EZH2: variants seen among roughly 807,000 people sequenced by gnomAD.
The protein encoded by EZH2 is histone-lysine N-methyltransferase EZH2.
A neutral mutation model predicts 98.4 loss-of-function variants in EZH2; 18 were observed. That is an observed-to-expected ratio of 0.18 (90% CI 0.13 to 0.27). EZH2 has a LOEUF of 0.27. EZH2 is among the 10% of genes least tolerant of loss of function. EZH2 has a pLI of 1.00. For missense variants in EZH2, 470 were observed against 935.1 expected (o/e 0.50, Z 6.49); for synonymous variants, 338 against 312.3 (o/e 1.08, Z -0.87).
chr7:148,832,658 C>G lies in EZH2; in HGVS notation c.339G>C (p.Trp113Cys). 6.2e-7 allele frequency: 1 copy of G among 1,601,732 alleles called. No homozygotes were observed. Among genetic ancestry groups the G allele is most frequent in the Non-Finnish European group, 8.5e-7 (1 of 1,171,336 alleles). Reference protein sequence around the residue: ...AVASVPIMYSWSPLQQNFMVE... With the variant: ...AVASVPIMYSCSPLQQNFMVE... The stretch of plus-strand genomic sequence containing the variant: ...CCATAAAATTCTGCTGTAGGGGAGA[C>G]CAAGAATACATTATGGGTACTGAAG... Residue 113 changes from tryptophan (W) to cysteine (C), a missense_variant, in exon 4 of 20, where the codon TGG becomes TGC. Transcript: ENST00000320356.
chr7:148,814,384 G>A (rs901093567), intron 14 of EZH2, among the ~76,000 whole-genome samples: 4 of 151,934 alleles, frequency 2.6e-5, no homozygotes, highest in Non-Finnish European at 4.4e-5. Flanking sequence ...ATTTAAAGTC[G>A]GTGTGAATAA....
intron 1 of EZH2, chr7:148,883,125 T>C (rs143487527): frequency 5.9e-5 from 9 of 152,364 alleles, no homozygotes; most frequent in African/African-American, 1.7e-4. Context: ...CATTCTCAGA[T>C]GTATCACACA....
Position 148,816,718 on chromosome 7 carries a change from C to T in EZH2, c.1471G>A (p.Asp491Asn). The T allele has an allele frequency of 1.2e-6, 2 of 1,614,070 alleles. No homozygotes were observed. Among genetic ancestry groups the T allele is most frequent in the South Asian group, 2.2e-5 (2 of 91,082 alleles). The stretch of plus-strand genomic sequence containing the variant: ...CTCTTCTTTTTCCTTGGAGGAGTAT[C>T]CACATCCTCAGCGGGAGCTGGAGCT... ...IIAPAPAEDV[D>N]TPPRKKKRKH... Residue 491 changes from aspartate to asparagine, a missense_variant, in exon 12 of 20, where the codon GAT becomes AAT. By Grantham distance (23) the Asp-to-Asn change is conservative (BLOSUM62 1). Coordinates refer to ENST00000320356, the MANE Select transcript of EZH2 (RefSeq NM_004456.5).
chr7:148,866,326 C>A (rs886651491), intron 1 of EZH2, among the ~76,000 whole-genome samples: 2 of 151,660 alleles, frequency 1.3e-5, no homozygotes, highest in Admixed American at 6.6e-5. Flanking sequence ...GGTGATTAGA[C>A]CACGACGGTT....
At position 148,829,612 on chromosome 7, in the gene EZH2, C is replaced by T. The variant is rs558108795; in HGVS notation, c.484+116G>A. ...GGCCCAGGTTCAGTCCCTTATAGTT[C>T]AGTGCAAAACTTAATTTTAATATTA... On this transcript the variant is annotated intron_variant, in intron 5 of 19. Coordinates refer to ENST00000320356, the MANE Select transcript of EZH2 (RefSeq NM_004456.5). The T allele has an allele frequency of 2.7e-5, 31 of 1,130,354 alleles. No homozygotes were observed. In the African/African-American group the frequency reaches 4.2e-4, roughly 15 times the overall value. 70.0% of individuals were successfully genotyped at this position (1,130,354 alleles called of 1,614,324 possible).
chr7:148,846,403 A>T (rs539892399), intron 3 of EZH2, 67 bp downstream of exon 3: 45 of 1,546,234 alleles, frequency 2.9e-5, no homozygotes, highest in Non-Finnish European at 3.9e-5. Context: ...CCAATAACCA[A>T]ACAAATGTTC....
chr7:148,860,415 G>T (rs912337552), intron 1 of EZH2, among the ~76,000 whole-genome samples: 2 of 151,668 alleles, frequency 1.3e-5, no homozygotes, highest in Non-Finnish European at 2.9e-5. Flanking sequence ...TGAGAAGGAA[G>T]AACAGGTCAA....
At position 148,828,984 on chromosome 7, in the gene EZH2, C is replaced by T. The variant is rs1808535861; in HGVS notation, c.485-104G>A. 3.6e-6 allele frequency: 4 copies of T among 1,109,572 alleles called. No individual in the cohort carries two copies. The East Asian group carries it at 1.1e-4, about 30-fold the overall frequency. The allele number at this position is 1,109,572 out of a possible 1,614,324, so 68.7% of individuals were successfully genotyped here. On this transcript the variant is annotated intron_variant, in intron 5 of 19. Coordinates refer to ENST00000320356, the MANE Select transcript of EZH2 (RefSeq NM_004456.5). ...AAAACAGGCATAGCCTAGTAACTGGCACTAAAACATTATTATTGAAATGAG... is the reference window on the plus strand; with the variant it reads ...AAAACAGGCATAGCCTAGTAACTGGTACTAAAACATTATTATTGAAATGAG...
At position 148,815,001 on chromosome 7, in the gene EZH2, C is replaced by A; in HGVS notation, c.1585G>T (p.Asp529Tyr). Residue 529 changes from aspartate to tyrosine, a missense_variant, in exon 14 of 20, where the codon GAT (aspartate) becomes TAT (tyrosine). Physicochemically the swap from Asp to Tyr is radical, Grantham distance 160 (BLOSUM62 -3). This residue lies in a region of EZH2 where 106 missense variants were observed against 327.2 expected (regional missense o/e 0.32). Transcript: ENST00000320356. ...SNHVYNYQPC[D>Y]HPRQPCDSSC... Reference sequence around the variant, plus strand: ...CTGTCACAAGGCTGCCGTGGATGATCACAGGGTTGATAGTTGTAAACATGG... The same window carrying A: ...CTGTCACAAGGCTGCCGTGGATGATAACAGGGTTGATAGTTGTAAACATGG... The A allele has an allele frequency of 6.2e-7, 1 of 1,614,014 alleles. No homozygotes were observed. Among genetic ancestry groups the A allele is most frequent in the South Asian group, 1.1e-5 (1 of 91,040 alleles).
intron 17 of EZH2, chr7:148,810,055 A>G (rs1231233819): frequency 3.1e-6 from 1 of 323,828 alleles, no homozygotes; most frequent in Non-Finnish European, 5.9e-6. Flanking sequence ...TGAGGTGAGC[A>G]GCAAGAGCAC....
chr7:148,824,016 A>G (rs1806944855), intron 8 of EZH2, among the ~76,000 whole-genome samples: 1 of 152,154 alleles, frequency 6.6e-6, no homozygotes, highest in Non-Finnish European at 1.5e-5. Flanking sequence ...ACAAAATGCT[A>G]TATTCAACAT....
At chr7:148,822,550 C>A (rs1364219021) in intron 8 of EZH2, among the ~76,000 whole-genome samples, 1 of 150,846 alleles carries the variant, frequency 6.6e-6, no homozygotes, top group African/African-American at 2.4e-5. Context: ...GGACTTTTAC[C>A]AAATAAACTT....
intron 1 of EZH2, among the ~76,000 whole-genome samples, chr7:148,869,582 C>T (rs577956811): frequency 6.6e-6 from 1 of 152,278 alleles, no homozygotes; most frequent in African/African-American, 2.4e-5. Flanking sequence ...AAGCAATCCT[C>T]CCACCTCAGC....
intron 3 of EZH2, among the ~76,000 whole-genome samples, chr7:148,845,573 C>A (rs1317052591): frequency 6.6e-6 from 1 of 152,200 alleles, no homozygotes; most frequent in Non-Finnish European, 1.5e-5. Flanking sequence ...ATATGTCACA[C>A]AATCTCCAGA....
chr7:148,879,543 T>C (rs568911920), intron 1 of EZH2, among the ~76,000 whole-genome samples: 8 of 151,800 alleles, frequency 5.3e-5, no homozygotes, highest in African/African-American at 1.9e-4. Flanking sequence ...ATACAAAAAT[T>C]AGCCAGGCCT....
At chr7:148,873,186 AAGAAAAG>A (rs1819661310) in intron 1 of EZH2, among the ~76,000 whole-genome samples, 2 of 151,934 alleles carry the variant, frequency 1.3e-5, no homozygotes, top group Non-Finnish European at 2.9e-5. Flanking sequence ...GTGTACAAAA[AAGAAAAG>A]AAAAAAGAAA....
In EZH2 at chr7:148,814,052, G is replaced by A. The variant is rs979372067; in HGVS notation, c.1758C>T (p.Asp586=). Reference sequence around the variant, plus strand: ...CTCCACAAGTAAGACAGAGGTCAGGGTCACACTCTCGGACAGCCAGGTAGC... The same window carrying A: ...CTCCACAAGTAAGACAGAGGTCAGGATCACACTCTCGGACAGCCAGGTAGC... ...CPCYLAVREC[D]PDLCLTCGAA... Residue 586 remains aspartate (D), a synonymous_variant, in exon 15 of 20, where the codon GAC becomes GAT. Coordinates refer to ENST00000320356, the MANE Select transcript of EZH2 (RefSeq NM_004456.5). The A allele has an allele frequency of 6.2e-7, 1 of 1,614,054 alleles. No individual in the cohort carries two copies. Among genetic ancestry groups the A allele is most frequent in the Non-Finnish European group, 8.5e-7 (1 of 1,180,044 alleles).
At chr7:148,807,922 C>T (rs142215614) in intron 19 of EZH2, among the ~76,000 whole-genome samples, 100 of 152,074 alleles carry the variant, frequency 6.6e-4, no homozygotes, top group African/African-American at 1.6e-3. Flanking sequence ...CTAATTGAGA[C>T]GCTGCCAAGT....
intron 1 of EZH2, among the ~76,000 whole-genome samples, chr7:148,856,740 T>C (rs1295344463): frequency 1.3e-5 from 2 of 152,118 alleles, no homozygotes; most frequent in African/African-American, 2.4e-5. Flanking sequence ...TGGAATAATT[T>C]GAGCAGCAGA....
Sources: allele counts gnomAD v4.1 joint callset (sites outside exome capture counted in the v4.1 genomes callset), GRCh38; gene constraint gnomAD v4.1.1; regional missense constraint gnomAD v4.1.1; transcripts MANE v1.5; gene names NCBI Gene and HGNC (gene_info 2026-07-23, HGNC 2026-07-21).